Variants in UNC13C observed in about 807,000 individuals in gnomAD.
UNC13C encodes protein unc-13 homolog C.
UNC13C carries 174 observed loss-of-function variants against 245.4 expected under a neutral mutation model. The ratio of observed to expected loss-of-function variants is 0.71; its 90% CI spans 0.63 to 0.80. UNC13C has a LOEUF of 0.80. UNC13C is among the 30% of genes least tolerant of loss of function. UNC13C has a pLI of 0.00. For missense variants in UNC13C, 2,829 were observed against 2,602.9 expected, an observed-to-expected ratio of 1.09 and a Z score of -1.89; for synonymous variants, 992 against 895.1, an observed-to-expected ratio of 1.11 and a Z score of -1.93.
intron 17 of UNC13C, among the ~76,000 whole-genome samples, chr15:54,347,367 C>A (rs34419514): frequency 0.18 from 27,272 of 152,022 alleles, 2,797 homozygotes; most frequent in Middle Eastern, 0.25. Context: ...ATGTCAAAAA[C>A]CAATAAAACC....
the UNC13C span, among the ~76,000 whole-genome samples, chr15:53,884,147 G>A: frequency 6.6e-6 from 1 of 152,142 alleles, no homozygotes; most frequent in East Asian, 1.9e-4. Flanking sequence ...CTTAAGGCTG[G>A]GAGGGATGGA....
chr15:54,022,241 C>T (rs1895932162), intron 2 of UNC13C, among the ~76,000 whole-genome samples: 1 of 152,204 alleles, frequency 6.6e-6, no homozygotes, highest in Admixed American at 6.5e-5. Context: ...TTCTCACCAA[C>T]ACTTGTTATT....
intron 4 of UNC13C, among the ~76,000 whole-genome samples, chr15:54,145,630 A>G (rs1490967301): frequency 6.6e-6 from 1 of 152,234 alleles, no homozygotes; most frequent in Non-Finnish European, 1.5e-5. Flanking sequence ...TAATAATTTG[A>G]CAACTAAATA....
Position 54,394,400 on chromosome 15 carries a change from G to T in UNC13C, c.4847+1219G>T, listed in dbSNP as rs931883089. The stretch of plus-strand genomic sequence containing the variant: ...CTTTGTGTTTCCTAATCTCTGTACA[G>T]ACTTTGCTCTTCTATTCTCTTCTGT... On this transcript the variant is annotated intron_variant, in intron 18 of 32. Coordinates refer to ENST00000260323, the MANE Select transcript of UNC13C (RefSeq NM_001080534.3). Among the ~76,000 whole-genome samples the T allele has an allele frequency of 2.0e-5, 3 of 151,654 alleles. No homozygotes were observed. In the Admixed American group the frequency reaches 2.0e-4, roughly 10 times the overall value.
chr15:54,038,082 G>A (rs1488502422), intron 2 of UNC13C, among the ~76,000 whole-genome samples: 1 of 126,328 alleles, frequency 7.9e-6, no homozygotes, highest in East Asian at 2.4e-4. Context: ...GTATATGTGT[G>A]TGTGTATATA....
intron 4 of UNC13C, among the ~76,000 whole-genome samples, chr15:54,188,136 C>T (rs1232722908): frequency 6.6e-6 from 1 of 152,100 alleles, no homozygotes; most frequent in Non-Finnish European, 1.5e-5. Flanking sequence ...TGTTTTTACT[C>T]ACCACCTGCT....
chr15:54,220,977 C>A (rs1233333277), intron 4 of UNC13C, among the ~76,000 whole-genome samples: 1 of 151,954 alleles, frequency 6.6e-6, no homozygotes, highest in Admixed American at 6.6e-5. Flanking sequence ...CTCTTGCTGG[C>A]TTAGAGGACA....
At chr15:53,926,426 T>C in the UNC13C span, among the ~76,000 whole-genome samples, 6 of 152,188 alleles carry the variant, frequency 3.9e-5, no homozygotes, top group African/African-American at 1.4e-4. Flanking sequence ...ATCATATGTT[T>C]TAAAGTGTTC....
intron 29 of UNC13C, among the ~76,000 whole-genome samples, chr15:54,564,052 A>T (rs192343166): frequency 6.6e-6 from 1 of 152,118 alleles, no homozygotes. Flanking sequence ...TAACCATAGA[A>T]ATCACCTTCT....
At chr15:53,941,957 G>A in the UNC13C span, among the ~76,000 whole-genome samples, 3 of 152,166 alleles carry the variant, frequency 2.0e-5, no homozygotes, top group African/African-American at 7.2e-5. Flanking sequence ...ATTGTTGGTG[G>A]GAGTGTAAAT....
intron 22 of UNC13C, among the ~76,000 whole-genome samples, chr15:54,504,761 T>C (rs1894391440): frequency 2.0e-5 from 3 of 152,314 alleles, no homozygotes; most frequent in Admixed American, 2.0e-4. Context: ...AATGAAAAGA[T>C]GGATTTTGAA....
intron 2 of UNC13C, among the ~76,000 whole-genome samples, chr15:54,081,656 C>G (rs892715361): frequency 1.3e-5 from 2 of 151,394 alleles, no homozygotes; most frequent in Non-Finnish European, 2.9e-5. Flanking sequence ...CTTTCTTCAT[C>G]TCTTTACTTT....
intron 2 of UNC13C, among the ~76,000 whole-genome samples, chr15:54,077,940 C>A (rs928691591): frequency 6.6e-6 from 1 of 152,090 alleles, no homozygotes; most frequent in Admixed American, 6.5e-5. Flanking sequence ...AAACGTAGTA[C>A]CTAATACGTA....
At chr15:53,886,629 A>C in the UNC13C span, among the ~76,000 whole-genome samples, 1 of 152,188 alleles carries the variant, frequency 6.6e-6, no homozygotes, top group Non-Finnish European at 1.5e-5. Context: ...TCACTCCTTA[A>C]GTTTGGGCTA....
At chr15:54,051,732 C>T (rs1026791310) in intron 2 of UNC13C, among the ~76,000 whole-genome samples, 1 of 149,494 alleles carries the variant, frequency 6.7e-6, no homozygotes, top group African/African-American at 2.5e-5. Flanking sequence ...GGATTGAGCT[C>T]GTTTAAGGAC....
At chr15:54,197,981 T>C (rs1595989057) in intron 4 of UNC13C, among the ~76,000 whole-genome samples, 1 of 151,880 alleles carries the variant, frequency 6.6e-6, no homozygotes, top group African/African-American at 2.4e-5. Flanking sequence ...GTTGGAGGGG[T>C]ATGATGGGAG....
chr15:54,591,814 T>C (rs143017949), intron 30 of UNC13C, among the ~76,000 whole-genome samples: 294 of 152,222 alleles, frequency 1.9e-3, no homozygotes, highest in African/African-American at 6.9e-3. Flanking sequence ...CTGATGTTGG[T>C]TATTTCCTTT....
At position 54,214,154 on chromosome 15, in the gene UNC13C, C is replaced by T. The variant is rs562817864; in HGVS notation, c.3072-20876C>T. ...TTTAAAAATTATATTTTAATTATACCCTAAAAATTCCATAATTTCTTTTAA... is the reference window on the plus strand; with the variant it reads ...TTTAAAAATTATATTTTAATTATACTCTAAAAATTCCATAATTTCTTTTAA... On this transcript the variant is annotated intron_variant, in intron 4 of 32. Transcript: ENST00000260323. Among the ~76,000 whole-genome samples the T allele has an allele frequency of 1.7e-3, 257 of 151,822 alleles. 11 individuals are homozygous for T. The South Asian group carries it at 0.051, about 30-fold the overall frequency.
At chr15:54,147,789 C>CGTGTGTGTGTGT (rs56353727) in intron 4 of UNC13C, among the ~76,000 whole-genome samples, 30,880 of 147,330 alleles carry the variant, frequency 0.21, 3,434 homozygotes, top group South Asian at 0.27. Flanking sequence ...AAGGTGTGTG[C>CGTGTGTGTGTGT]GTGTGTGTGT....
Sources: allele counts gnomAD v4.1 joint callset (sites outside exome capture counted in the v4.1 genomes callset), GRCh38; gene constraint gnomAD v4.1.1; transcripts MANE v1.5; gene names NCBI Gene and HGNC (gene_info 2026-07-23, HGNC 2026-07-21).